ANO4: variants seen among roughly 807,000 people sequenced by gnomAD.
ANO4 encodes anoctamin 4.
Under a neutral mutation model 141.9 loss-of-function variants are expected in ANO4, and 69 were observed. The ratio of observed to expected loss-of-function variants is 0.49; its 90% CI spans 0.40 to 0.59. The LOEUF (loss-of-function observed/expected upper bound fraction) is 0.59, where lower values mean the gene tolerates loss of function less well. Ranked by LOEUF, ANO4 falls within the 20% of genes least tolerant of loss-of-function variation. The pLI is 0.00. For missense variants in ANO4, 894 were observed against 1,162.2 expected (o/e 0.77, Z 3.36); for synonymous variants, 350 against 394.3 (o/e 0.89, Z 1.33).
intron 3 of ANO4, among the ~76,000 whole-genome samples, chr12:100,753,522 C>G (rs2032475432): frequency 6.6e-6 from 1 of 152,190 alleles, no homozygotes; most frequent in Non-Finnish European, 1.5e-5. Flanking sequence ...TAAAGGCCCT[C>G]TCTTCCTCAG....
chr12:100,960,282 T>C (rs747380303), intron 5 of ANO4, among the ~76,000 whole-genome samples: 1 of 149,708 alleles, frequency 6.7e-6, no homozygotes, highest in Non-Finnish European at 1.5e-5. Flanking sequence ...ACACACCCTA[T>C]AAAGTAGGTG....
chr12:100,918,765 C>G (rs1366379664), intron 2 of ANO4, among the ~76,000 whole-genome samples: 2 of 152,000 alleles, frequency 1.3e-5, no homozygotes, highest in Non-Finnish European at 2.9e-5. Context: ...CTTATATACT[C>G]TACCTTTTAT....
chr12:100,948,706 T>C (rs901812828), intron 5 of ANO4, among the ~76,000 whole-genome samples: 1 of 152,220 alleles, frequency 6.6e-6, no homozygotes, highest in South Asian at 2.1e-4. Context: ...GATAGCATTC[T>C]GTGTTACTTA....
At chr12:101,073,595 T>A (rs989782467) in intron 14 of ANO4, among the ~76,000 whole-genome samples, 1 of 146,578 alleles carries the variant, frequency 6.8e-6, no homozygotes, top group Non-Finnish European at 1.5e-5. Context: ...ATAATAATAA[T>A]AAAAGAAAAT....
At chr12:100,991,805 GAATA>G (rs1277439720) in intron 8 of ANO4, among the ~76,000 whole-genome samples, 3 of 152,114 alleles carry the variant, frequency 2.0e-5, no homozygotes, top group Non-Finnish European at 2.9e-5. Flanking sequence ...AAAAATAAAT[GAATA>G]GATAGAAACA....
chr12:100,826,448 C>A (rs116264187), intron 1 of ANO4, among the ~76,000 whole-genome samples: 1 of 151,948 alleles, frequency 6.6e-6, no homozygotes, highest in Non-Finnish European at 1.5e-5. Flanking sequence ...GTTTCACTAA[C>A]CGTATTCATG....
Position 100,914,627 on chromosome 12 carries a change from TA to T in ANO4, c.56-7592del, listed in dbSNP as rs1291087888. Among the ~76,000 whole-genome samples, 4 of 152,174 alleles carry T rather than the reference TA, an allele frequency of 2.6e-5. No homozygotes were observed. The East Asian group carries it at 5.8e-4, about 22-fold the overall frequency. ...TTTTGGTAAGTGCTACAAATAATGTTAAAAAAACAAGATGGAACTTTTTTTT... is the reference window on the plus strand; with the variant it reads ...TTTTGGTAAGTGCTACAAATAATGTTAAAAAACAAGATGGAACTTTTTTTT... On this transcript the variant is annotated intron_variant, in intron 2 of 27. Coordinates refer to ENST00000392977, the MANE Select transcript of ANO4 (RefSeq NM_001286615.2).
At chr12:100,814,256 C>G (rs1317131780) in intron 1 of ANO4, among the ~76,000 whole-genome samples, 1 of 151,996 alleles carries the variant, frequency 6.6e-6, no homozygotes, top group African/African-American at 2.4e-5. Flanking sequence ...TATAATTCAC[C>G]CATTTCAAGT....
At chr12:101,028,121 GCAA>G (rs1465135063) in intron 9 of ANO4, among the ~76,000 whole-genome samples, 1 of 152,072 alleles carries the variant, frequency 6.6e-6, no homozygotes, top group South Asian at 2.1e-4. Flanking sequence ...CAAACAGAAA[GCAA>G]CAACAACAGC....
intron 6 of ANO4, among the ~76,000 whole-genome samples, chr12:100,971,985 A>G (rs2043955928): frequency 6.6e-6 from 1 of 152,254 alleles, no homozygotes; most frequent in African/African-American, 2.4e-5. Flanking sequence ...TAAAAGGATT[A>G]ATTTACCTTC....
At chr12:100,872,309 G>A (rs1455406108) in intron 1 of ANO4, among the ~76,000 whole-genome samples, 1 of 152,166 alleles carries the variant, frequency 6.6e-6, no homozygotes, top group Non-Finnish European at 1.5e-5. Flanking sequence ...GTCATAGTCA[G>A]AGTGGAAATA....
At chr12:101,104,747 G>A (rs2050375085) in intron 22 of ANO4, among the ~76,000 whole-genome samples, 1 of 148,608 alleles carries the variant, frequency 6.7e-6, no homozygotes, top group South Asian at 2.1e-4. Context: ...GCATTTAGTT[G>A]TTTGGTATAA....
At chr12:100,723,909 C>G (rs1283375215) in intron 1 of ANO4, among the ~76,000 whole-genome samples, 1 of 152,168 alleles carries the variant, frequency 6.6e-6, no homozygotes, top group Non-Finnish European at 1.5e-5. Flanking sequence ...CCTAGACACA[C>G]AGTCCACAGC....
intron 1 of ANO4, among the ~76,000 whole-genome samples, chr12:100,877,846 G>A (rs952164382): frequency 2.0e-5 from 3 of 152,112 alleles, no homozygotes; most frequent in Non-Finnish European, 2.9e-5. Flanking sequence ...TAACTTGCTA[G>A]TAATGGACAG....
At chr12:101,054,521 A>G (rs2048017707) in intron 14 of ANO4, among the ~76,000 whole-genome samples, 1 of 152,172 alleles carries the variant, frequency 6.6e-6, no homozygotes, top group Non-Finnish European at 1.5e-5. Flanking sequence ...TTTTTTTGAG[A>G]CGGAGTCTCG....
At chr12:100,898,135 T>C (rs980163403) in intron 1 of ANO4, among the ~76,000 whole-genome samples, 2 of 152,210 alleles carry the variant, frequency 1.3e-5, no homozygotes, top group Admixed American at 6.5e-5. Flanking sequence ...CTCTTATGGT[T>C]GTGATGATAC....
chr12:100,837,473 T>A (rs1416526193), intron 1 of ANO4, among the ~76,000 whole-genome samples: 1 of 152,066 alleles, frequency 6.6e-6, no homozygotes, highest in Non-Finnish European at 1.5e-5. Flanking sequence ...TTGGGAGATG[T>A]CTTATCAAAA....
chr12:100,798,029 T>C (rs1339910966), intron 1 of ANO4, among the ~76,000 whole-genome samples: 1 of 152,220 alleles, frequency 6.6e-6, no homozygotes, highest in East Asian at 1.9e-4. Flanking sequence ...TTTTCCATAG[T>C]TGATTACCAG....
At chr12:100,791,238 G>T (rs1410031089), upstream of ANO4, among the ~76,000 whole-genome samples, 1 of 152,044 alleles carries the variant, frequency 6.6e-6, no homozygotes, top group Non-Finnish European at 1.5e-5. Flanking sequence ...AATTAGCCGG[G>T]TGTGGTGGCA....
Sources: gnomAD v4.1 joint callset for allele counts (sites outside exome capture counted in the v4.1 genomes callset) on GRCh38, gnomAD v4.1.1 for gene constraint, MANE v1.5 for transcripts, NCBI Gene and HGNC (gene_info 2026-07-23, HGNC 2026-07-21) for gene names.